Variants in EIF4G3 observed in about 807,000 individuals in gnomAD.
The protein encoded by EIF4G3 is eukaryotic translation initiation factor 4 gamma 3, also known as eIF-4-gamma 3.
In EIF4G3, 34 loss-of-function variants were observed where a neutral mutation model predicts 186.4. The ratio of observed to expected loss-of-function variants is 0.18; its 90% CI spans 0.14 to 0.24. The LOEUF is 0.24. EIF4G3 is among the 10% of genes least tolerant of loss of function. The pLI is 1.00. For synonymous variants in EIF4G3, 673 were observed against 679.5 expected, an observed-to-expected ratio of 0.99 and a Z score of 0.15; for missense variants, 1,536 against 1,948.5, an observed-to-expected ratio of 0.79 and a Z score of 3.99.
At chr1:20,951,452 G>A (rs1219431422) in intron 12 of EIF4G3, among the ~76,000 whole-genome samples, 2 of 151,888 alleles carry the variant, frequency 1.3e-5, no homozygotes, top group South Asian at 2.1e-4. Context: ...CTGTTTTCAC[G>A]GGGACAAATA....
Position 20,952,446 on chromosome 1 carries a change from G to A in EIF4G3, c.715-2335C>T, listed in dbSNP as rs867671410. ...TGGGATTACAGACGTAAGCCACTGC[G>A]CCCCGCCAGAATTCAATACTTTAGT... On this transcript the variant is annotated intron_variant, in intron 12 of 36. Coordinates refer to ENST00000602326, the MANE Select transcript of EIF4G3 (RefSeq NM_001391906.1). 3.4e-4 allele frequency among the ~76,000 whole-genome samples: 51 copies of A among 152,152 alleles called. 2 individuals are homozygous for A. Among genetic ancestry groups the A allele is most frequent in the Admixed American group, 3.0e-3 (46 of 15,286 alleles).
rs1341392669 is a variant in EIF4G3, at chr1:20,825,088, C to A, written c.4368+12G>T. 2 of 1,575,548 alleles carry A rather than the reference C, an allele frequency of 1.3e-6. No individual in the cohort carries two copies. Among genetic ancestry groups the A allele is most frequent in the Non-Finnish European group, 1.7e-6 (2 of 1,151,376 alleles). On this transcript the variant is annotated intron_variant, in intron 33 of 36. Transcript: ENST00000602326. Reference sequence around the variant, plus strand: ...CTACTATCAAACAGCAAAACATAAGCCTTGTTCTTACCTGCTCCAAAAGAA... The same window carrying A: ...CTACTATCAAACAGCAAAACATAAGACTTGTTCTTACCTGCTCCAAAAGAA...
intron 4 of EIF4G3, among the ~76,000 whole-genome samples, chr1:21,015,521 A>T (rs2088693125): frequency 6.6e-6 from 1 of 152,162 alleles, no homozygotes; most frequent in Middle Eastern, 3.2e-3. Flanking sequence ...TCATGCTTGT[A>T]ATTGCACCAC....
chr1:20,951,703 AAAAATATT>A (rs2154563530), intron 12 of EIF4G3, among the ~76,000 whole-genome samples: 1 of 152,150 alleles, frequency 6.6e-6, no homozygotes, highest in South Asian at 2.1e-4. Context: ...CTAAAAGGAA[AAAAATATT>A]AACTACTCCA....
rs529222833 is a variant in EIF4G3 at position 21,007,824 on chromosome 1, T to C, written c.-66-5016A>G. On this transcript the variant is annotated intron_variant, in intron 4 of 36. Transcript: ENST00000602326. ...AAGAAAATATGTAGCAAATTTTAAATTGACTACTTCAGAGACGGTTATAAA... is the reference window on the plus strand; with the variant it reads ...AAGAAAATATGTAGCAAATTTTAAACTGACTACTTCAGAGACGGTTATAAA... 2.6e-3 allele frequency among the ~76,000 whole-genome samples: 395 copies of C among 152,264 alleles called. 4 individuals are homozygous for C. The highest frequency in any genetic ancestry group is 9.2e-3 in the African/African-American group (381 of 41,554).
chr1:20,806,793 C>CA lies in EIF4G3; in HGVS notation c.*525dup, dbSNP rs748803491. The CA allele has an allele frequency of 0.014, 1,861 of 137,028 alleles. 83 individuals are homozygous for CA. The East Asian group carries it at 0.21, about 15-fold the overall frequency. 8.5% of individuals were successfully genotyped at this position (137,028 alleles called of 1,614,324 possible). A position where few individuals can be genotyped will look rare whatever the true frequency, so the allele number is the denominator to read the frequency against. The stretch of plus-strand genomic sequence containing the variant: ...AGAGGCAGGCAGAAAGATTTGATGC[C>CA]AAAAAAAAAAAAATCTTTCTTACCT... On this transcript the variant is annotated 3_prime_UTR_variant, in exon 37 of 37. Transcript: ENST00000602326.
intron 29 of EIF4G3, among the ~76,000 whole-genome samples, chr1:20,843,728 C>A (rs1258077176): frequency 6.6e-6 from 1 of 152,082 alleles, no homozygotes; most frequent in Non-Finnish European, 1.5e-5. Flanking sequence ...TGGGGGTTTG[C>A]TGTACGGATT....
intron 13 of EIF4G3, among the ~76,000 whole-genome samples, chr1:20,942,911 A>G (rs1184430432): frequency 6.6e-6 from 1 of 152,236 alleles, no homozygotes; most frequent in Non-Finnish European, 1.5e-5. Context: ...AGTGAAATCA[A>G]ACTATTCTCA....
At chr1:20,930,897 G>A (rs1233171303) in intron 14 of EIF4G3, among the ~76,000 whole-genome samples, 1 of 151,926 alleles carries the variant, frequency 6.6e-6, no homozygotes, top group African/African-American at 2.4e-5. Context: ...TCTTGCTGAG[G>A]TGTCTCCTCT....
chr1:21,115,721 G>A (rs1412148985), intron 2 of EIF4G3, among the ~76,000 whole-genome samples: 1 of 152,048 alleles, frequency 6.6e-6, no homozygotes, highest in Non-Finnish European at 1.5e-5. Flanking sequence ...TGTTGTTGTT[G>A]TTGTTGTTTT....
chr1:21,054,276 CCCG>C (rs1379589531), intron 3 of EIF4G3, among the ~76,000 whole-genome samples: 3 of 149,566 alleles, frequency 2.0e-5, no homozygotes, highest in Non-Finnish European at 4.5e-5. Context: ...AGGCAGCATG[CCCG>C]TTAAGAGTCA....
chr1:21,160,934 G>A (rs2097756561), intron 2 of EIF4G3, among the ~76,000 whole-genome samples: 1 of 152,192 alleles, frequency 6.6e-6, no homozygotes, highest in South Asian at 2.1e-4. Flanking sequence ...ATTTTGGGAG[G>A]CAAAGGTGGG....
At chr1:20,846,915 A>T (rs1404955169) in intron 29 of EIF4G3, among the ~76,000 whole-genome samples, 4 of 152,338 alleles carry the variant, frequency 2.6e-5, no homozygotes, top group Admixed American at 6.5e-5. Flanking sequence ...GGCACAAAAT[A>T]AACCCTCAAT....
chr1:20,827,594 C>A, intron 32 of EIF4G3, 23 bp downstream of exon 32: 1 of 1,468,478 alleles, frequency 6.8e-7, no homozygotes, highest in South Asian at 1.2e-5. Flanking sequence ...ACTGTTGAGT[C>A]TGACACTCAG....
intron 33 of EIF4G3, among the ~76,000 whole-genome samples, chr1:20,822,415 A>G (rs1277378847): frequency 8.9e-6 from 1 of 112,172 alleles, no homozygotes; most frequent in East Asian, 3.1e-4. Flanking sequence ...TCCAGGCTGG[A>G]GTGCAATGGT....
chr1:21,024,176 T>A (rs1301816306), intron 4 of EIF4G3, among the ~76,000 whole-genome samples: 1 of 113,318 alleles, frequency 8.8e-6, no homozygotes, highest in Non-Finnish European at 1.9e-5. Flanking sequence ...TGGGGGGGGG[T>A]CAGCCCCCCG....
chr1:21,166,817 T>C (rs1385269536), intron 2 of EIF4G3, among the ~76,000 whole-genome samples: 2 of 152,132 alleles, frequency 1.3e-5, no homozygotes, highest in African/African-American at 4.8e-5. Context: ...GGTCTCACTC[T>C]GTCACCCAGG....
chr1:20,905,821 A>G (rs1166530807), intron 14 of EIF4G3, among the ~76,000 whole-genome samples: 1 of 152,204 alleles, frequency 6.6e-6, no homozygotes, highest in Non-Finnish European at 1.5e-5. Context: ...GAAGAGTTAA[A>G]GAAAGGCCAC....
intron 27 of EIF4G3, 64 bp from the exon 28 acceptor site, chr1:20,851,542 T>G (rs1475888493): frequency 2.7e-6 from 4 of 1,486,068 alleles, no homozygotes; most frequent in Non-Finnish European, 3.7e-6. Context: ...ATATTCAAAT[T>G]ATAAAATAAC....
Sources: gnomAD v4.1 joint callset for allele counts (sites outside exome capture counted in the v4.1 genomes callset) on GRCh38, gnomAD v4.1.1 for gene constraint, MANE v1.5 for transcripts, NCBI Gene and HGNC (gene_info 2026-07-23, HGNC 2026-07-21) for gene names.